The following AAK1 variants were observed in gnomAD, a reference collection of about 807,000 sequenced individuals.
AAK1 encodes the protein AP2 associated kinase 1.
Under a neutral mutation model 116.0 loss-of-function variants are expected in AAK1, and 37 were observed. The observed-to-expected ratio is 0.32, with a 90% CI of 0.25 to 0.42. AAK1 has a LOEUF of 0.42. Ranked by LOEUF, AAK1 falls within the 10% of genes least tolerant of loss-of-function variation. AAK1 has a pLI of 1.00. For synonymous variants in AAK1, 458 were observed against 439.9 expected, an observed-to-expected ratio of 1.04 and a Z score of -0.51; for missense variants, 919 against 1,170.6, an observed-to-expected ratio of 0.79 and a Z score of 3.14.
chr2:69,547,299 G>T (rs963748173), intron 3 of AAK1, among the ~76,000 whole-genome samples: 5 of 152,082 alleles, frequency 3.3e-5, no homozygotes, highest in African/African-American at 1.2e-4. Context: ...TGTTTCAAAT[G>T]GCACTATTAA....
chr2:69,580,398 T>C (rs1225599318), intron 2 of AAK1, among the ~76,000 whole-genome samples: 2 of 152,314 alleles, frequency 1.3e-5, no homozygotes, highest in South Asian at 2.1e-4. Context: ...AAGTGGAATT[T>C]GGTATAAGTA....
At chr2:69,582,928 A>G (rs980789934) in intron 2 of AAK1, among the ~76,000 whole-genome samples, 4 of 152,222 alleles carry the variant, frequency 2.6e-5, no homozygotes, top group African/African-American at 7.2e-5. Flanking sequence ...CTACAGGGTT[A>G]TATCTGTTGA....
intron 2 of AAK1, among the ~76,000 whole-genome samples, chr2:69,576,740 G>T (rs1342745622): frequency 1.3e-5 from 2 of 152,094 alleles, no homozygotes; most frequent in African/African-American, 4.8e-5. Flanking sequence ...TCAAAGCCTA[G>T]GTCCACCTGG....
At chr2:69,538,104 A>G (rs1309030959) in intron 5 of AAK1, among the ~76,000 whole-genome samples, 1 of 152,240 alleles carries the variant, frequency 6.6e-6, no homozygotes, top group African/African-American at 2.4e-5. Flanking sequence ...AGGGGGGACA[A>G]CTGTGTGTAT....
In AAK1 at chr2:69,617,605, T is replaced by C. The variant is rs527330026; in HGVS notation, c.163+25273A>G. Among the ~76,000 whole-genome samples, 172 of 152,336 alleles carry C rather than the reference T, an allele frequency of 1.1e-3. 2 individuals are homozygous for C. Among genetic ancestry groups the C allele is most frequent in the African/African-American group, 4.0e-3 (167 of 41,580 alleles). Reference sequence around the variant, plus strand: ...AAGGGAGAACAGCTTAGAAGACTGATAAATAAATCGTTATTGTAAGATGCA... The same window carrying C: ...AAGGGAGAACAGCTTAGAAGACTGACAAATAAATCGTTATTGTAAGATGCA... On this transcript the variant is annotated intron_variant, in intron 2 of 21. Coordinates refer to ENST00000409085, the MANE Select transcript of AAK1 (RefSeq NM_014911.5).
chr2:69,552,279 G>A (rs763415950), intron 3 of AAK1, among the ~76,000 whole-genome samples: 6 of 152,156 alleles, frequency 3.9e-5, no homozygotes, highest in Non-Finnish European at 7.4e-5. Context: ...AGAAAGGCCT[G>A]CAAATGGACC....
At chr2:69,619,570 G>T (rs1674494382) in intron 2 of AAK1, among the ~76,000 whole-genome samples, 2 of 152,172 alleles carry the variant, frequency 1.3e-5, no homozygotes, top group African/African-American at 4.8e-5. Flanking sequence ...TTCCAAAGAG[G>T]AGAGACAATA....
chr2:69,507,663 A>G lies in AAK1; in HGVS notation c.2007-85T>C, dbSNP rs144338984. On this transcript the variant is annotated intron_variant, in intron 14 of 21. Transcript: ENST00000409085. ...GGTCAACTTATTTTCTCTGTTTCAG[A>G]ATCAAATTATTTTCTGGGTCAAACC... The G allele has an allele frequency of 1.3e-3, 1,725 of 1,289,358 alleles. 18 individuals carry two copies. In the African/African-American group the frequency reaches 0.023, roughly 17 times the overall value. The allele number at this position is 1,289,358 out of a possible 1,614,324, so 79.9% of individuals were successfully genotyped here. A position where few individuals can be genotyped will look rare whatever the true frequency, so the allele number is the denominator to read the frequency against.
chr2:69,588,176 T>C (rs1026141224), intron 2 of AAK1, among the ~76,000 whole-genome samples: 1 of 152,092 alleles, frequency 6.6e-6, no homozygotes, highest in Non-Finnish European at 1.5e-5. Flanking sequence ...TGAGCAACCA[T>C]CCCCTGTTCC....
chr2:69,529,954 T>G, intron 8 of AAK1, 54 bp downstream of exon 8: 1 of 1,406,602 alleles, frequency 7.1e-7, no homozygotes, highest in Non-Finnish European at 9.5e-7. Flanking sequence ...ATCCCCCAAT[T>G]CATTCTTTGT....
intron 20 of AAK1, chr2:69,478,358 G>A (rs1395785025): frequency 6.6e-6 from 1 of 152,324 alleles, no homozygotes; most frequent in Non-Finnish European, 1.5e-5. Flanking sequence ...TGGAATATCT[G>A]CATTCTATGT....
At chr2:69,537,568 C>A (rs1670529120) in intron 5 of AAK1, among the ~76,000 whole-genome samples, 1 of 152,206 alleles carries the variant, frequency 6.6e-6, no homozygotes, top group African/African-American at 2.4e-5. Context: ...CACAGAGAAG[C>A]AACTAGCATT....
intron 2 of AAK1, among the ~76,000 whole-genome samples, chr2:69,620,671 C>A (rs1674572517): frequency 6.6e-6 from 1 of 152,154 alleles, no homozygotes; most frequent in African/African-American, 2.4e-5. Context: ...TTTGTTGGAT[C>A]CCATGTCTGC....
At chr2:69,541,172 T>C (rs1285686661) in intron 5 of AAK1, among the ~76,000 whole-genome samples, 2 of 151,876 alleles carry the variant, frequency 1.3e-5, no homozygotes, top group African/African-American at 2.4e-5. Context: ...AATTAGATAG[T>C]AGCGATGGTT....
intron 3 of AAK1, among the ~76,000 whole-genome samples, chr2:69,555,499 C>G (rs1282862830): frequency 6.6e-6 from 1 of 152,198 alleles, no homozygotes; most frequent in Non-Finnish European, 1.5e-5. Flanking sequence ...TGATGGGATA[C>G]CTACAATGCC....
chr2:69,475,761 C>G lies in AAK1; in HGVS notation c.*108G>C. ...GGGTAGGAGAAAAGGGCTGGAGGGC[C>G]CCTTATTTGCAGATTTTTTTAAAAA... On this transcript the variant is annotated 3_prime_UTR_variant, in exon 22 of 22. Coordinates refer to ENST00000409085, the MANE Select transcript of AAK1 (RefSeq NM_014911.5). The G allele has an allele frequency of 6.8e-7, 1 of 1,481,422 alleles. No homozygotes were observed. The highest frequency in any genetic ancestry group is 2.1e-5 in the Admixed American group (1 of 46,870). 91.8% of individuals were successfully genotyped at this position (1,481,422 alleles called of 1,614,324 possible). A position where few individuals can be genotyped will look rare whatever the true frequency, so the allele number is the denominator to read the frequency against.
chr2:69,564,211 A>C (rs147908622), intron 2 of AAK1, among the ~76,000 whole-genome samples: 1 of 152,234 alleles, frequency 6.6e-6, no homozygotes, highest in East Asian at 1.9e-4. Flanking sequence ...AGAAAAAAGA[A>C]AAAAGAAAAG....
At chr2:69,636,845 A>G (rs13403600) in intron 2 of AAK1, among the ~76,000 whole-genome samples, 17,635 of 151,818 alleles carry the variant, frequency 0.12, 2,281 homozygotes, top group African/African-American at 0.3. Flanking sequence ...AATTACAGGT[A>G]GCCGCCACCA....
chr2:69,619,569 G>C (rs1674494221), intron 2 of AAK1, among the ~76,000 whole-genome samples: 1 of 152,138 alleles, frequency 6.6e-6, no homozygotes, highest in South Asian at 2.1e-4. Flanking sequence ...GTTCCAAAGA[G>C]GAGAGACAAT....
Sources: allele counts gnomAD v4.1 joint callset (sites outside exome capture counted in the v4.1 genomes callset), GRCh38; gene constraint gnomAD v4.1.1; transcripts MANE v1.5; gene names NCBI Gene and HGNC (gene_info 2026-07-23, HGNC 2026-07-21).